Variants in MOB3B observed in about 807,000 individuals in gnomAD.
MOB3B encodes MOB kinase activator 3B.
A neutral mutation model predicts 18.7 loss-of-function variants in MOB3B; 7 were observed. That is an observed-to-expected ratio of 0.37 (90% confidence interval 0.21 to 0.70). The LOEUF (loss-of-function observed/expected upper bound fraction) is 0.70, where lower values mean the gene tolerates loss of function less well. Among genes scored for constraint, MOB3B ranks in the 30% least tolerant of loss-of-function variants. The pLI is 0.52. For synonymous variants in MOB3B, 111 were observed against 99.9 expected, an observed-to-expected ratio of 1.11 and a Z score of -0.66; for missense variants, 253 against 281.3, an observed-to-expected ratio of 0.90 and a Z score of 0.72.
chr9:27,451,452 C>T (rs959026984), intron 2 of MOB3B, among the ~76,000 whole-genome samples: 2 of 152,170 alleles, frequency 1.3e-5, no homozygotes, highest in Non-Finnish European at 2.9e-5. Flanking sequence ...GAAAGTTCGA[C>T]TTCTGAAATA....
chr9:27,380,941 A>G (rs1169502196), intron 2 of MOB3B, among the ~76,000 whole-genome samples: 1 of 152,050 alleles, frequency 6.6e-6, no homozygotes, highest in Non-Finnish European at 1.5e-5. Context: ...GGCAGAGCCA[A>G]CTCCACCTTT....
chr9:27,345,653 T>G (rs1821022414), intron 3 of MOB3B, among the ~76,000 whole-genome samples: 2 of 152,224 alleles, frequency 1.3e-5, no homozygotes, highest in Admixed American at 6.5e-5. Context: ...GATCTTCTGA[T>G]CCATAGTCAT....
At chr9:27,437,584 A>C (rs1822530059) in intron 2 of MOB3B, among the ~76,000 whole-genome samples, 1 of 152,216 alleles carries the variant, frequency 6.6e-6, no homozygotes, top group African/African-American at 2.4e-5. Context: ...AAAAATCCAA[A>C]AAGGGAACAG....
intron 1 of MOB3B, among the ~76,000 whole-genome samples, chr9:27,480,331 G>A (rs1248371047): frequency 1.2e-4 from 17 of 145,542 alleles, no homozygotes; most frequent in African/African-American, 4.1e-4. Flanking sequence ...ACGGAGTCTC[G>A]CTCTGTCACC....
chr9:27,445,559 C>A (rs190552187), intron 2 of MOB3B, among the ~76,000 whole-genome samples: 42 of 152,302 alleles, frequency 2.8e-4, no homozygotes, highest in Middle Eastern at 3.4e-3. Flanking sequence ...AAGACAAATG[C>A]CCCTGGCTGC....
intron 3 of MOB3B, among the ~76,000 whole-genome samples, chr9:27,341,658 G>A (rs985288638): frequency 6.6e-6 from 1 of 152,170 alleles, no homozygotes; most frequent in African/African-American, 2.4e-5. Flanking sequence ...ATTTGGTCTC[G>A]TGAGAGCCTC....
intron 2 of MOB3B, among the ~76,000 whole-genome samples, chr9:27,370,292 T>C (rs899794363): frequency 6.6e-6 from 1 of 152,044 alleles, no homozygotes; most frequent in African/African-American, 2.4e-5. Context: ...GCAGATCACC[T>C]GAGGTCGGGA....
intron 2 of MOB3B, among the ~76,000 whole-genome samples, chr9:27,403,990 A>G (rs1234315512): frequency 1.3e-5 from 2 of 152,132 alleles, no homozygotes; most frequent in Non-Finnish European, 2.9e-5. Context: ...AATTATTGTT[A>G]ACTATAGTCG....
At chr9:27,485,043 G>C (rs1819714188) in intron 1 of MOB3B, among the ~76,000 whole-genome samples, 1 of 152,190 alleles carries the variant, frequency 6.6e-6, no homozygotes, top group African/African-American at 2.4e-5. Flanking sequence ...CCAAGTTCGA[G>C]ACAAGTGTTT....
chr9:27,378,322 C>G (rs1287183200), intron 2 of MOB3B: 2 of 470,254 alleles, frequency 4.3e-6, no homozygotes, highest in Non-Finnish European at 8.8e-6. Flanking sequence ...GATGCTGCAT[C>G]TGGACATGGG....
intron 2 of MOB3B, chr9:27,421,065 C>T (rs1214867452): frequency 6.6e-6 from 1 of 152,618 alleles, no homozygotes; most frequent in Non-Finnish European, 1.5e-5. Context: ...CCCACCTTCT[C>T]CCTACATGGA....
At chr9:27,473,473 G>T (rs1202055311) in intron 1 of MOB3B, among the ~76,000 whole-genome samples, 1 of 152,084 alleles carries the variant, frequency 6.6e-6, no homozygotes, top group South Asian at 2.1e-4. Context: ...AGCTGTCCAA[G>T]CTGGACAAGC....
chr9:27,489,914 T>C (rs991731461), intron 1 of MOB3B, among the ~76,000 whole-genome samples: 1 of 152,012 alleles, frequency 6.6e-6, no homozygotes, highest in Non-Finnish European at 1.5e-5. Context: ...TTTATATTGT[T>C]TATGGATTCA....
intron 2 of MOB3B, among the ~76,000 whole-genome samples, chr9:27,432,178 A>G (rs1245954787): frequency 6.6e-6 from 1 of 152,228 alleles, no homozygotes; most frequent in Non-Finnish European, 1.5e-5. Context: ...CCAAGGTTTC[A>G]CTTCCAGTCA....
At chr9:27,402,303 T>A (rs977287793) in intron 2 of MOB3B, among the ~76,000 whole-genome samples, 2 of 152,242 alleles carry the variant, frequency 1.3e-5, no homozygotes, top group Admixed American at 1.3e-4. Flanking sequence ...TATATGTTTC[T>A]ATCATTAAAA....
At chr9:27,390,196 T>C (rs967303778) in intron 2 of MOB3B, among the ~76,000 whole-genome samples, 3 of 152,120 alleles carry the variant, frequency 2.0e-5, no homozygotes, top group Non-Finnish European at 2.9e-5. Context: ...CAAGCGTTTC[T>C]CTTGCCTCAG....
chr9:27,508,329 A>G (rs1375718396), intron 1 of MOB3B, among the ~76,000 whole-genome samples: 4 of 152,200 alleles, frequency 2.6e-5, no homozygotes, highest in Non-Finnish European at 2.9e-5. Flanking sequence ...AAAGTATCAC[A>G]TTAAAAAAAC....
chr9:27,375,616 G>A (rs775869675), intron 2 of MOB3B, among the ~76,000 whole-genome samples: 10 of 152,172 alleles, frequency 6.6e-5, no homozygotes, highest in Middle Eastern at 3.4e-3. Context: ...GTGTGTACTC[G>A]CTAGAGGAGA....
intron 2 of MOB3B, among the ~76,000 whole-genome samples, chr9:27,385,445 G>A (rs1045482522): frequency 3.9e-5 from 6 of 152,124 alleles, no homozygotes; most frequent in Non-Finnish European, 5.9e-5. Context: ...TTACAAAGGT[G>A]CCTAAGGGGC....
Sources: gnomAD v4.1 joint callset for allele counts (sites outside exome capture counted in the v4.1 genomes callset) on GRCh38, gnomAD v4.1.1 for gene constraint, MANE v1.5 for transcripts, NCBI Gene and HGNC (gene_info 2026-07-23, HGNC 2026-07-21) for gene names.